Variants in ERMAP observed in about 807,000 individuals in gnomAD.
ERMAP encodes the protein erythroid membrane-associated protein.
A neutral mutation model predicts 49.5 loss-of-function variants in ERMAP; 34 were observed. That is an observed-to-expected ratio of 0.69 (90% CI 0.52 to 0.91). The LOEUF is 0.91. Among genes scored for constraint, ERMAP ranks in the 40% least tolerant of loss-of-function variants. The probability of loss-of-function intolerance (pLI) is 0.00; values close to 1 mark genes in which losing one functional copy is unlikely to be tolerated. For synonymous variants in ERMAP, 214 were observed against 232.2 expected (o/e 0.92, Z 0.71); for missense variants, 541 against 582.6 (o/e 0.93, Z 0.74).
intron 7 of ERMAP, among the ~76,000 whole-genome samples, chr1:42,838,451 C>T (rs931590378): frequency 7.2e-5 from 11 of 152,178 alleles, no homozygotes; most frequent in African/African-American, 2.7e-4. Context: ...TCTTCTGGGA[C>T]CTCCAATTTG....
At chr1:42,826,178 T>C (rs1297631268) in intron 2 of ERMAP, among the ~76,000 whole-genome samples, 2 of 152,100 alleles carry the variant, frequency 1.3e-5, no homozygotes, top group Admixed American at 1.3e-4. Context: ...TTCCAACATG[T>C]GTAGTGGAAA....
chr1:42,817,442 C>G, intron 1 of ERMAP, 189 bp downstream of exon 1: 1 of 209,008 alleles, frequency 4.8e-6, no homozygotes, highest in South Asian at 7.7e-5. Flanking sequence ...CGGGGCAAGC[C>G]GGTGCCGGGG....
rs765166682 is a variant in ERMAP, at chr1:42,831,204, T to C, written c.433+89T>C. On this transcript the variant is annotated intron_variant, in intron 4 of 11. Transcript: ENST00000372517. Reference sequence around the variant, plus strand: ...ACTTTGTCTCTCCATGTCTAGACTTTTCTTTCATCTGCAGTGTAGTTTTTA... The same window carrying C: ...ACTTTGTCTCTCCATGTCTAGACTTCTCTTTCATCTGCAGTGTAGTTTTTA... 3 of 1,441,902 alleles carry C rather than the reference T, an allele frequency of 2.1e-6. 1 individual carries two copies. The South Asian group carries it at 4.2e-5, about 20-fold the overall frequency. The allele number at this position is 1,441,902 out of a possible 1,614,324, so 89.3% of individuals were successfully genotyped here. A position where few individuals can be genotyped will look rare whatever the true frequency, so the allele number is the denominator to read the frequency against.
chr1:42,826,886 A>G (rs920037231), intron 2 of ERMAP, among the ~76,000 whole-genome samples: 3 of 151,528 alleles, frequency 2.0e-5, no homozygotes, highest in Non-Finnish European at 4.4e-5. Context: ...AAAATCACAG[A>G]GCAGTAAGGG....
At chr1:42,834,806 C>T (rs1654844424) in intron 4 of ERMAP, 1 of 422,910 alleles carries the variant, frequency 2.4e-6, no homozygotes, top group South Asian at 3.0e-5. Context: ...CCTCCTGCCT[C>T]TGCCTCCCAA....
At position 42,835,648 on chromosome 1, in the gene ERMAP, G is replaced by A. The variant is rs1292851618; in HGVS notation, c.551-84G>A. On this transcript the variant is annotated intron_variant, in intron 5 of 11. Coordinates refer to ENST00000372517, the MANE Select transcript of ERMAP (RefSeq NM_001017922.2). ...AGTGACAAGGAGTCAGTCCTACTCA[G>A]GCAGCTGGGGGCATCTTGGGACACT... 6.3e-6 allele frequency: 10 copies of A among 1,576,474 alleles called. No homozygotes were observed. The South Asian group carries it at 1.2e-4, about 18-fold the overall frequency.
In ERMAP at chr1:42,842,844, C is replaced by T. The variant is rs527385496; in HGVS notation, c.1040C>T (p.Thr347Ile). The change falls in exon 12 of 12, where the codon ACC becomes ATC. Residue 347 changes from threonine to isoleucine, a missense_variant. By Grantham distance (89) the Thr-to-Ile change is moderately conservative (BLOSUM62 -1). Coordinates refer to ENST00000372517, the MANE Select transcript of ERMAP (RefSeq NM_001017922.2). ...TATGAAGCTCTCACATCCCCGCAGA[C>T]CTCCTTCCGCCTTAAAGAGCCTCCA... ...NEYEALTSPQ[T>I]SFRLKEPPRC... 2 of 1,614,186 alleles carry T rather than the reference C, an allele frequency of 1.2e-6. No homozygotes were observed. Among genetic ancestry groups the T allele is most frequent in the African/African-American group, 2.7e-5 (2 of 75,034 alleles).
At chr1:42,833,141 A>G (rs575234184) in intron 4 of ERMAP, among the ~76,000 whole-genome samples, 94 of 152,360 alleles carry the variant, frequency 6.2e-4, no homozygotes, top group African/African-American at 2.2e-3. Flanking sequence ...AACAAGTAAA[A>G]GCTGGGGTGG....
At chr1:42,841,813 A>G (rs921727016) in intron 11 of ERMAP, 6 of 152,230 alleles carry the variant, frequency 3.9e-5, no homozygotes, top group African/African-American at 1.4e-4. Flanking sequence ...ATCATCACAC[A>G]TTTGATTATT....
chr1:42,839,947 A>G (rs1458790291), intron 8 of ERMAP, 86 bp from the exon 9 acceptor site: 36 of 1,332,290 alleles, frequency 2.7e-5, no homozygotes, highest in Non-Finnish European at 3.7e-5. Flanking sequence ...CTGTCTGCTC[A>G]TGGTTGGGAT....
chr1:42,840,456 C>T (rs369368883), intron 11 of ERMAP, among the ~76,000 whole-genome samples, 160 bp downstream of exon 11: 2 of 151,982 alleles, frequency 1.3e-5, no homozygotes, highest in African/African-American at 2.4e-5. Flanking sequence ...TCTTTGTGAT[C>T]GATCTTGAGG....
rs1654525959 is a variant in ERMAP at position 42,825,743 on chromosome 1, GTCC to G, written c.-6+11_-6+13del. On this transcript the variant is annotated splice_donor_region_variant and intron_variant, in intron 2 of 11. Coordinates refer to ENST00000372517, the MANE Select transcript of ERMAP (RefSeq NM_001017922.2). Reference sequence around the variant, plus strand: ...GCGTCCCTGATCCAGAAGGTGGTGAGTCCTCCTCTCTCTCTTCATGCTTTTTAG... The same window carrying G: ...GCGTCCCTGATCCAGAAGGTGGTGAGTCCTCTCTCTCTTCATGCTTTTTAG... The G allele has an allele frequency of 1.6e-6, 2 of 1,289,250 alleles. No individual in the cohort carries two copies. The highest frequency in any genetic ancestry group is 2.3e-5 in the Admixed American group (1 of 43,538). The allele number at this position is 1,289,250 out of a possible 1,614,324, so 79.9% of individuals were successfully genotyped here.
chr1:42,828,735 T>C (rs1249220940), intron 2 of ERMAP, among the ~76,000 whole-genome samples: 1 of 152,094 alleles, frequency 6.6e-6, no homozygotes, highest in Non-Finnish European at 1.5e-5. Context: ...TGAGCTCAAG[T>C]GATCCTCCTG....
intron 4 of ERMAP, among the ~76,000 whole-genome samples, chr1:42,833,839 G>C (rs1654818507): frequency 6.6e-6 from 1 of 152,108 alleles, no homozygotes; most frequent in Admixed American, 6.5e-5. Flanking sequence ...TTACAGGTGT[G>C]AGTCACCACA....
intron 4 of ERMAP, among the ~76,000 whole-genome samples, chr1:42,831,903 A>G (rs1343745605): frequency 6.6e-6 from 1 of 152,022 alleles, no homozygotes; most frequent in East Asian, 1.9e-4. Flanking sequence ...TAGCTTCAAT[A>G]TTTAAAAAAA....
chr1:42,831,271 TCTCAGCTGAGG>T (rs944238089), intron 4 of ERMAP, among the ~76,000 whole-genome samples, 156 bp downstream of exon 4: 28 of 152,344 alleles, frequency 1.8e-4, no homozygotes, highest in Admixed American at 5.2e-4. Flanking sequence ...TGTCCATTGA[TCTCAGCTGAGG>T]CTGTGAAGCT....
intron 1 of ERMAP, among the ~76,000 whole-genome samples, chr1:42,820,350 T>G (rs1654374669): frequency 6.6e-6 from 1 of 151,578 alleles, no homozygotes; most frequent in African/African-American, 2.4e-5. Flanking sequence ...AAGTCTTCAA[T>G]TCTGGGAAAC....
intron 1 of ERMAP, 51 bp downstream of exon 1, chr1:42,817,304 C>T (rs1654262684): frequency 5.0e-6 from 6 of 1,192,224 alleles, no homozygotes; most frequent in South Asian, 1.4e-5. Context: ...CTGCCCACCG[C>T]CCCTCGTCCT....
intron 2 of ERMAP, among the ~76,000 whole-genome samples, chr1:42,827,215 A>G (rs1654580556): frequency 6.6e-6 from 1 of 152,122 alleles, no homozygotes; most frequent in Admixed American, 6.6e-5. Context: ...TGTCATCCAG[A>G]CTGGAGTGCA....
Sources: gnomAD v4.1 joint callset for allele counts (sites outside exome capture counted in the v4.1 genomes callset) on GRCh38, gnomAD v4.1.1 for gene constraint, MANE v1.5 for transcripts, NCBI Gene and HGNC (gene_info 2026-07-23, HGNC 2026-07-21) for gene names.